Variants in EXOC1 observed in about 807,000 individuals in gnomAD.
EXOC1 encodes the protein exocyst complex component 1.
EXOC1 carries 67 observed loss-of-function variants against 107.7 expected under a neutral mutation model. The ratio of observed to expected loss-of-function variants is 0.62; its 90% CI spans 0.51 to 0.76. The LOEUF (loss-of-function observed/expected upper bound fraction) is 0.76. Among genes scored for constraint, EXOC1 ranks in the 30% least tolerant of loss-of-function variants. EXOC1 has a pLI of 0.00. For synonymous variants in EXOC1, 348 were observed against 353.5 expected, an observed-to-expected ratio of 0.98 and a Z score of 0.17; for missense variants, 833 against 1,055.7, an observed-to-expected ratio of 0.79 and a Z score of 2.92.
chr4:55,853,763 C>G lies in EXOC1; in HGVS notation c.-201C>G, dbSNP rs1477613966. On this transcript the variant is annotated 5_prime_UTR_variant, in exon 1 of 19. Transcript: ENST00000381295. ...CATCCGGTCTCCGTTTTGGAAGACC[C>G]GCCTCGGCACAGCCAGGCTCAGTCC... 1 of 152,288 alleles carries G rather than the reference C, an allele frequency of 6.6e-6. No homozygotes were observed. Among genetic ancestry groups the G allele is most frequent in the South Asian group, 2.1e-4 (1 of 4,836 alleles). The allele number at this position is 152,288 out of a possible 1,614,324, so 9.4% of individuals were successfully genotyped here.
At chr4:55,866,722 G>T in intron 4 of EXOC1, 1 of 254,502 alleles carries the variant, frequency 3.9e-6, no homozygotes, top group Non-Finnish European at 6.2e-6. Flanking sequence ...CTTTCCACTT[G>T]GTAGTTGATT....
At chr4:55,879,878 A>G (rs563499733) in intron 9 of EXOC1, among the ~76,000 whole-genome samples, 14 of 152,324 alleles carry the variant, frequency 9.2e-5, no homozygotes, top group African/African-American at 2.9e-4. Context: ...AATCTAATGC[A>G]TAAGCTGTGT....
intron 18 of EXOC1, among the ~76,000 whole-genome samples, chr4:55,903,160 A>G (rs1412913449): frequency 7.1e-6 from 1 of 140,354 alleles, no homozygotes; most frequent in Non-Finnish European, 1.5e-5. Context: ...AAAAAAAAAA[A>G]AAAAGAAAGA....
At chr4:55,903,949 T>G (rs1726312208) in intron 18 of EXOC1, among the ~76,000 whole-genome samples, 1 of 152,214 alleles carries the variant, frequency 6.6e-6, no homozygotes, top group African/African-American at 2.4e-5. Flanking sequence ...ATGTAATCAC[T>G]AGTCTTAGTT....
At chr4:55,854,745 T>C (rs1436319255) in intron 1 of EXOC1, among the ~76,000 whole-genome samples, 1 of 152,248 alleles carries the variant, frequency 6.6e-6, no homozygotes, top group East Asian at 1.9e-4. Context: ...CAGTTGCTTT[T>C]AGCCAGAGAA....
intron 8 of EXOC1, among the ~76,000 whole-genome samples, chr4:55,874,634 T>TG (rs1387298418): frequency 6.6e-6 from 1 of 152,140 alleles, no homozygotes; most frequent in Non-Finnish European, 1.5e-5. Flanking sequence ...AAGTGAAACT[T>TG]GAAGTGTATT....
At chr4:55,882,604 A>C (rs1007937910) in intron 9 of EXOC1, 5 of 152,236 alleles carry the variant, frequency 3.3e-5, no homozygotes, top group African/African-American at 9.6e-5. Context: ...TGAAAAATGT[A>C]TATGGCATAC....
At chr4:55,863,101 T>C (rs899781486) in intron 3 of EXOC1, among the ~76,000 whole-genome samples, 4 of 152,044 alleles carry the variant, frequency 2.6e-5, no homozygotes, top group African/African-American at 9.7e-5. Flanking sequence ...TGTTTTGCCA[T>C]GTTGCCCAGG....
intron 10 of EXOC1, 77 bp downstream of exon 10, chr4:55,884,005 TAAGC>T (rs1383215879): frequency 1.9e-6 from 2 of 1,041,788 alleles, no homozygotes; most frequent in Non-Finnish European, 2.8e-6. Flanking sequence ...TAAGACTTCT[TAAGC>T]AAGGTGGAGG....
intron 14 of EXOC1, among the ~76,000 whole-genome samples, 188 bp downstream of exon 14, chr4:55,892,899 C>A (rs1314220597): frequency 6.6e-6 from 1 of 152,158 alleles, no homozygotes; most frequent in Non-Finnish European, 1.5e-5. Context: ...CTCTTCAACT[C>A]TTCCTTGCTC....
chr4:55,862,065 A>G (rs933847176), intron 3 of EXOC1, among the ~76,000 whole-genome samples: 1 of 152,070 alleles, frequency 6.6e-6, no homozygotes, highest in Non-Finnish European at 1.5e-5. Flanking sequence ...ACAAAAAAAA[A>G]CAAAAAAAAA....
chr4:55,893,772 A>G lies in EXOC1; in HGVS notation c.1945A>G (p.Lys649Glu). 6.2e-7 allele frequency: 1 copy of G among 1,611,676 alleles called. No homozygotes were observed. The highest frequency in any genetic ancestry group is 8.5e-7 in the Non-Finnish European group (1 of 1,179,130). ...GGTGACTGTCAAAAGGAACTTTGAC[A>G]AATGCATTGTAAGTTTTCTTTTTTA... ...VLVTVKRNFD[K>E]CISNQIRQME... is the part of the protein sequence containing the mutation. The change falls in exon 15 of 19, where the codon AAA becomes GAA. Residue 649 changes from lysine to glutamate, a missense_variant. Transcript: ENST00000381295.
intron 4 of EXOC1, among the ~76,000 whole-genome samples, chr4:55,866,175 T>G (rs1404643184): frequency 6.6e-6 from 1 of 152,240 alleles, no homozygotes; most frequent in Non-Finnish European, 1.5e-5. Flanking sequence ...AAGACTATTT[T>G]GATTATAAAT....
chr4:55,898,515 A>G (rs1184541074), intron 16 of EXOC1, among the ~76,000 whole-genome samples: 1 of 152,224 alleles, frequency 6.6e-6, no homozygotes, highest in Non-Finnish European at 1.5e-5. Context: ...GACCTGAAAC[A>G]TAAATAACTA....
intron 10 of EXOC1, chr4:55,885,844 G>T (rs1723823764): frequency 6.6e-6 from 1 of 152,148 alleles, no homozygotes; most frequent in Non-Finnish European, 1.5e-5. Flanking sequence ...AAATGCAAAT[G>T]ACTTGAGAAG....
intron 8 of EXOC1, chr4:55,876,383 A>G (rs1321506803): frequency 1.8e-5 from 15 of 835,580 alleles, no homozygotes; most frequent in Non-Finnish European, 2.0e-5. Context: ...TTAGAAAAGC[A>G]ATACAGTATA....
intron 1 of EXOC1, among the ~76,000 whole-genome samples, chr4:55,856,557 C>T (rs543131809): frequency 2.4e-4 from 36 of 151,598 alleles, no homozygotes; most frequent in African/African-American, 8.2e-4. Context: ...TATAAAAATA[C>T]GTTGTAAATC....
chr4:55,882,321 G>A (rs1185520882), intron 9 of EXOC1, among the ~76,000 whole-genome samples: 1 of 151,898 alleles, frequency 6.6e-6, no homozygotes, highest in East Asian at 1.9e-4. Context: ...TGCATTTTCT[G>A]TAGATACAGG....
chr4:55,864,187 T>A (rs776226202), intron 3 of EXOC1, 40 bp from the exon 4 acceptor site: 4 of 1,293,758 alleles, frequency 3.1e-6, no homozygotes, highest in Non-Finnish European at 3.2e-6. Context: ...TGTAAAAGGA[T>A]GTGATCAAAA....
Sources: gnomAD v4.1 joint callset for allele counts (sites outside exome capture counted in the v4.1 genomes callset) on GRCh38, gnomAD v4.1.1 for gene constraint, MANE v1.5 for transcripts, NCBI Gene and HGNC (gene_info 2026-07-23, HGNC 2026-07-21) for gene names.